Variants in LIPA observed in about 807,000 individuals in gnomAD.
The protein encoded by LIPA is lysosomal acid lipase/cholesteryl ester hydrolase.
In LIPA, 26 loss-of-function variants were observed where a neutral mutation model predicts 40.6. The ratio of observed to expected loss-of-function variants is 0.64; its 90% CI spans 0.47 to 0.89. The LOEUF is 0.89. Among genes scored for constraint, LIPA ranks in the 40% least tolerant of loss-of-function variants. The pLI, the probability that LIPA is intolerant of heterozygous loss-of-function variation, is 0.00. For missense variants in LIPA, 455 were observed against 479.6 expected, an observed-to-expected ratio of 0.95 and a Z score of 0.48; for synonymous variants, 188 against 168.4, an observed-to-expected ratio of 1.12 and a Z score of -0.90.
chr10:89,282,188 A>G (rs1365119831), intron 1 of LIPA, among the ~76,000 whole-genome samples: 1 of 152,208 alleles, frequency 6.6e-6, no homozygotes, highest in African/African-American at 2.4e-5. Flanking sequence ...TTTCATACTG[A>G]GAAAGGTCCT....
chr10:89,294,258 G>A (rs959964164), intron 1 of LIPA, among the ~76,000 whole-genome samples: 4 of 152,216 alleles, frequency 2.6e-5, no homozygotes, highest in African/African-American at 7.2e-5. Flanking sequence ...GCTGAAAAAT[G>A]TCTTAGTCCA....
chr10:89,412,866 G>A, exon 2 of LIPA: 1 of 320,210 alleles, frequency 3.1e-6, no homozygotes, highest in Non-Finnish European at 6.2e-6. Flanking sequence ...AACAACTGTA[G>A]CACTCACAGC....
chr10:89,231,150 C>G (rs1842837587), intron 3 of LIPA, among the ~76,000 whole-genome samples: 4 of 152,158 alleles, frequency 2.6e-5, no homozygotes. Flanking sequence ...CTCTAAATTA[C>G]AGCTGTGCAA....
At chr10:89,221,466 C>G (rs1384368057) in intron 8 of LIPA, among the ~76,000 whole-genome samples, 1 of 152,158 alleles carries the variant, frequency 6.6e-6, no homozygotes, top group African/African-American at 2.4e-5. Context: ...AAGAATTCCA[C>G]TATAATTCCA....
chr10:89,374,102 C>T (rs949445254), intron 2 of LIPA, among the ~76,000 whole-genome samples: 2 of 152,154 alleles, frequency 1.3e-5, no homozygotes, highest in African/African-American at 2.4e-5. Flanking sequence ...GGTTGTAAAC[C>T]ACTGTTCAAG....
At chr10:89,227,807 T>G (rs2071510) in intron 4 of LIPA, among the ~76,000 whole-genome samples, 71,653 of 151,894 alleles carry the variant, frequency 0.47, 18,081 homozygotes, top group Non-Finnish European at 0.58. Context: ...ATGTCCAATG[T>G]CATACAGCAA....
intron 7 of LIPA, 143 bp from the exon 8 acceptor site, chr10:89,222,725 T>C: frequency 1.4e-6 from 1 of 691,622 alleles, no homozygotes. Flanking sequence ...AAAAAATTAT[T>C]TGACTAAAAA....
At chr10:89,403,635 A>T (rs1396173605) in intron 2 of LIPA, 2 of 1,614,070 alleles carry the variant, frequency 1.2e-6, no homozygotes, top group Admixed American at 3.3e-5. Context: ...AGGAAATATG[A>T]ATGAAGCCCT....
chr10:89,320,440 C>A (rs921855956), intron 1 of LIPA, among the ~76,000 whole-genome samples: 1 of 152,054 alleles, frequency 6.6e-6, no homozygotes, highest in Non-Finnish European at 1.5e-5. Context: ...AAACAGAGAG[C>A]CAAATCATGA....
At chr10:89,229,722 C>T (rs1842817038) in intron 3 of LIPA, among the ~76,000 whole-genome samples, 1 of 145,892 alleles carries the variant, frequency 6.9e-6, no homozygotes, top group African/African-American at 2.6e-5. Flanking sequence ...TGCTGCACTC[C>T]AGCCTAGGGG....
At chr10:89,295,469 T>G (rs1288170987) in intron 1 of LIPA, among the ~76,000 whole-genome samples, 4 of 152,232 alleles carry the variant, frequency 2.6e-5, no homozygotes, top group Admixed American at 6.5e-5. Flanking sequence ...GACTTTAGCA[T>G]CCATTATAAT....
chr10:89,414,558 C>T (rs1241468578), upstream of LIPA: 2 of 453,538 alleles, frequency 4.4e-6, no homozygotes, highest in Non-Finnish European at 7.7e-6. Context: ...GTTTCGATTT[C>T]TTAAGTTTCA....
chr10:89,231,705 T>C (rs1842844826), intron 3 of LIPA, among the ~76,000 whole-genome samples: 1 of 152,208 alleles, frequency 6.6e-6, no homozygotes, highest in Non-Finnish European at 1.5e-5. Context: ...CTCAAACTCC[T>C]GGCCTCAAGT....
intron 1 of LIPA, among the ~76,000 whole-genome samples, chr10:89,326,075 T>A (rs2133535511): frequency 6.6e-6 from 1 of 152,220 alleles, no homozygotes; most frequent in South Asian, 2.1e-4. Flanking sequence ...GATCCAGTAA[T>A]CCCACTGCCA....
intron 1 of LIPA, among the ~76,000 whole-genome samples, chr10:89,282,117 G>A (rs1843319220): frequency 6.6e-6 from 1 of 152,188 alleles, no homozygotes; most frequent in Non-Finnish European, 1.5e-5. Context: ...CTCAGACCTA[G>A]ACTGGTTTGC....
intron 2 of LIPA, among the ~76,000 whole-genome samples, chr10:89,401,601 G>A (rs1415825210): frequency 6.6e-6 from 1 of 151,854 alleles, no homozygotes; most frequent in African/African-American, 2.4e-5. Context: ...ATAGGCTTAC[G>A]TGAAAAAAAT....
intron 1 of LIPA, chr10:89,342,454 G>T (rs1457705356): frequency 3.3e-5 from 5 of 152,190 alleles, no homozygotes; most frequent in African/African-American, 1.2e-4. Context: ...TTAAACAAAA[G>T]AACCTTTAGG....
At chr10:89,363,794 C>CG (rs1231426963) in intron 2 of LIPA, among the ~76,000 whole-genome samples, 1 of 116,464 alleles carries the variant, frequency 8.6e-6, no homozygotes, top group African/African-American at 3.5e-5. Context: ...AAAAAAAAAG[C>CG]GAGGGGGGGC....
At chr10:89,333,958 GTGA>G (rs1843690021) in intron 1 of LIPA, among the ~76,000 whole-genome samples, 2 of 152,242 alleles carry the variant, frequency 1.3e-5, no homozygotes, top group Admixed American at 1.3e-4. Context: ...GCTTTCTGAA[GTGA>G]TGGACTCCTT....
Sources: allele counts gnomAD v4.1 joint callset (sites outside exome capture counted in the v4.1 genomes callset), GRCh38; gene constraint gnomAD v4.1.1; transcripts MANE v1.5; gene names NCBI Gene and HGNC (gene_info 2026-07-23, HGNC 2026-07-21).